The following NCOA7 variants were observed in gnomAD, a reference collection of about 807,000 sequenced individuals.
NCOA7 encodes nuclear receptor coactivator 7, also known as 140 kDa estrogen receptor-associated protein.
A neutral mutation model predicts 104.3 loss-of-function variants in NCOA7; 45 were observed. The observed-to-expected ratio is 0.43, with a 90% CI of 0.34 to 0.55. The LOEUF is 0.55. Ranked by LOEUF, NCOA7 falls within the 20% of genes least tolerant of loss-of-function variation. The pLI is 0.02. For missense variants in NCOA7, 1,041 were observed against 1,119.7 expected (o/e 0.93, Z 1.00); for synonymous variants, 398 against 402.3 (o/e 0.99, Z 0.13).
intron 11 of NCOA7, chr6:125,919,184 G>A (rs969548759): frequency 4.6e-6 from 7 of 1,518,462 alleles, no homozygotes; most frequent in South Asian, 3.8e-5. Flanking sequence ...GTGTGTTCCT[G>A]TAGAAATGTT....
intron 10 of NCOA7, among the ~76,000 whole-genome samples, chr6:125,911,271 G>C (rs912666580): frequency 6.6e-6 from 1 of 152,220 alleles, no homozygotes; most frequent in African/African-American, 2.4e-5. Flanking sequence ...TAGAAGCAAG[G>C]AGCCAGCAAG....
intron 11 of NCOA7, among the ~76,000 whole-genome samples, chr6:125,916,782 C>T (rs1274046211): frequency 1.3e-5 from 2 of 152,150 alleles, no homozygotes. Context: ...GAGAACCTGT[C>T]CACCAGGGAG....
chr6:125,842,438 A>T (rs949083045), intron 2 of NCOA7, among the ~76,000 whole-genome samples: 1 of 152,198 alleles, frequency 6.6e-6, no homozygotes, highest in Non-Finnish European at 1.5e-5. Context: ...AGCAAAATAT[A>T]TGTGTCACGA....
At chr6:125,871,639 T>A (rs1046154708) in intron 3 of NCOA7, among the ~76,000 whole-genome samples, 1 of 152,160 alleles carries the variant, frequency 6.6e-6, no homozygotes, top group African/African-American at 2.4e-5. Context: ...CAGTGAAAAG[T>A]GTTGCCTCAC....
intron 10 of NCOA7, among the ~76,000 whole-genome samples, chr6:125,899,211 C>T (rs772770807): frequency 6.6e-6 from 1 of 152,106 alleles, no homozygotes; most frequent in African/African-American, 2.4e-5. Context: ...ATGAAGACAG[C>T]AAAATGCTCT....
At chr6:125,846,678 C>A (rs1047592319) in intron 2 of NCOA7, among the ~76,000 whole-genome samples, 1 of 152,154 alleles carries the variant, frequency 6.6e-6, no homozygotes, top group African/African-American at 2.4e-5. Context: ...TTAAAGTTGA[C>A]GTTTACATAT....
chr6:125,931,396 A>G lies in NCOA7; in HGVS notation c.*2625A>G, dbSNP rs1788458697. 1 of 152,144 alleles carries G rather than the reference A, an allele frequency of 6.6e-6. No individual in the cohort carries two copies. Among genetic ancestry groups the G allele is most frequent in the Non-Finnish European group, 1.5e-5 (1 of 68,038 alleles). The allele number at this position is 152,144 out of a possible 1,614,324, so 9.4% of individuals were successfully genotyped here. A position where few individuals can be genotyped will look rare whatever the true frequency, so the allele number is the denominator to read the frequency against. Reference sequence around the variant, plus strand: ...TGAATGACAACCTCCTCCTCTTAACATCTGTCTTAACCTACTTCATAATTT... The same window carrying G: ...TGAATGACAACCTCCTCCTCTTAACGTCTGTCTTAACCTACTTCATAATTT... On this transcript the variant is annotated 3_prime_UTR_variant, in exon 16 of 16. Transcript: ENST00000392477.
At chr6:125,904,130 C>G (rs1161025948) in intron 10 of NCOA7, among the ~76,000 whole-genome samples, 1 of 152,194 alleles carries the variant, frequency 6.6e-6, no homozygotes, top group Non-Finnish European at 1.5e-5. Context: ...ATGCTTGGGA[C>G]TTTCTGTGAC....
chr6:125,807,500 C>T (rs1776568565), intron 1 of NCOA7, among the ~76,000 whole-genome samples: 1 of 152,132 alleles, frequency 6.6e-6, no homozygotes, highest in African/African-American at 2.4e-5. Context: ...TATGAATCTT[C>T]CAGATATGAA....
Position 125,931,069 on chromosome 6 carries a change from G to C in NCOA7, c.*2298G>C, listed in dbSNP as rs1788440988. 1 of 152,592 alleles carries C rather than the reference G, an allele frequency of 6.6e-6. No individual in the cohort carries two copies. The highest frequency in any genetic ancestry group is 2.1e-4 in the South Asian group (1 of 4,830). The allele number at this position is 152,592 out of a possible 1,614,324, so 9.5% of individuals were successfully genotyped here. ...GGATATTGACTATATGTAATGCAGT[G>C]CTATCCCAATATTTTCAATAAAGGA... On this transcript the variant is annotated 3_prime_UTR_variant, in exon 16 of 16. Transcript: ENST00000392477.
At chr6:125,786,131 CTT>C (rs1270995281), upstream of NCOA7, 1 of 152,196 alleles carries the variant, frequency 6.6e-6, no homozygotes, top group Admixed American at 6.5e-5. Context: ...TCTTCTGCCT[CTT>C]TAGTTGCAGG....
intron 1 of NCOA7, chr6:125,810,381 A>G (rs1447551236): frequency 6.6e-6 from 1 of 152,236 alleles, no homozygotes; most frequent in African/African-American, 2.4e-5. Flanking sequence ...TTATTTGAAT[A>G]ATGAACTGGA....
At chr6:125,839,395 A>T (rs1779915306) in intron 2 of NCOA7, among the ~76,000 whole-genome samples, 9 of 151,190 alleles carry the variant, frequency 6.0e-5, no homozygotes, top group African/African-American at 2.2e-4. Context: ...TGGGATTACA[A>T]GAGTCAGCCA....
At chr6:125,797,120 G>T (rs576365576) in intron 1 of NCOA7, among the ~76,000 whole-genome samples, 1 of 152,216 alleles carries the variant, frequency 6.6e-6, no homozygotes, top group South Asian at 2.1e-4. Flanking sequence ...TACATAAAGG[G>T]ACGAAAGCCT....
intron 10 of NCOA7, among the ~76,000 whole-genome samples, chr6:125,896,089 C>T (rs1049592897): frequency 6.7e-6 from 1 of 149,414 alleles, no homozygotes; most frequent in African/African-American, 2.5e-5. Context: ...ATGCAGTTAG[C>T]ACACCATTAT....
At chr6:125,782,621 T>C (rs1774277765) in intron 1 of NCOA7, among the ~76,000 whole-genome samples, 1 of 152,216 alleles carries the variant, frequency 6.6e-6, no homozygotes, top group Non-Finnish European at 1.5e-5. Flanking sequence ...CATTGACCTT[T>C]TTGAATAGTG....
At chr6:125,785,438 T>C (rs1166756636) in intron 1 of NCOA7, among the ~76,000 whole-genome samples, 1 of 152,218 alleles carries the variant, frequency 6.6e-6, no homozygotes, top group Non-Finnish European at 1.5e-5. Flanking sequence ...ACATTAATCA[T>C]GGGGAGAAAA....
chr6:125,898,346 G>T (rs1214919436), intron 10 of NCOA7, among the ~76,000 whole-genome samples: 1 of 152,124 alleles, frequency 6.6e-6, no homozygotes, highest in African/African-American at 2.4e-5. Context: ...TTTTTACAAA[G>T]ATCATCCCAT....
chr6:125,882,695 C>A, intron 7 of NCOA7, 144 bp downstream of exon 7: 1 of 895,826 alleles, frequency 1.1e-6, no homozygotes, highest in Non-Finnish European at 1.6e-6. Context: ...TAGTTTTCTT[C>A]TGTTGGATGC....
Sources: allele counts gnomAD v4.1 joint callset (sites outside exome capture counted in the v4.1 genomes callset), GRCh38; gene constraint gnomAD v4.1.1; transcripts MANE v1.5; gene names NCBI Gene and HGNC (gene_info 2026-07-23, HGNC 2026-07-21).